FOXP2: variants seen among roughly 807,000 people sequenced by gnomAD.
FOXP2 encodes forkhead box P2.
Under a neutral mutation model 115.8 loss-of-function variants are expected in FOXP2, and 12 were observed. That is an observed-to-expected ratio of 0.10 (90% CI 0.07 to 0.17). The LOEUF is 0.17. FOXP2 is among the 10% of genes least tolerant of loss of function. FOXP2 has a pLI of 1.00. For missense variants in FOXP2, 629 were observed against 843.5 expected (o/e 0.75, Z 3.15); for synonymous variants, 328 against 297.7 (o/e 1.10, Z -1.05).
intron 1 of FOXP2, among the ~76,000 whole-genome samples, chr7:114,142,927 C>T (rs1280703451): frequency 2.0e-5 from 3 of 151,804 alleles, no homozygotes; most frequent in South Asian, 4.2e-4. Flanking sequence ...GTGAGAAGAT[C>T]GATTGAGTCC....
chr7:114,363,686 A>G (rs1265899401), intron 2 of FOXP2, among the ~76,000 whole-genome samples: 2 of 152,152 alleles, frequency 1.3e-5, no homozygotes, highest in African/African-American at 2.4e-5. Flanking sequence ...TTCATGTTGC[A>G]TATTTTTAAA....
At chr7:114,331,696 C>T (rs2129183018) in intron 2 of FOXP2, among the ~76,000 whole-genome samples, 1 of 150,784 alleles carries the variant, frequency 6.6e-6, no homozygotes, top group African/African-American at 2.4e-5. Context: ...GAGACAGAGT[C>T]TCACTCTGTC....
chr7:114,131,351 G>T (rs1011954258), intron 1 of FOXP2, among the ~76,000 whole-genome samples: 1 of 152,046 alleles, frequency 6.6e-6, no homozygotes, highest in African/African-American at 2.4e-5. Flanking sequence ...CTTGATTTTT[G>T]TTGACCATCT....
At chr7:114,562,381 C>A (rs1297222171) in intron 3 of FOXP2, among the ~76,000 whole-genome samples, 1 of 152,116 alleles carries the variant, frequency 6.6e-6, no homozygotes, top group African/African-American at 2.4e-5. Flanking sequence ...CTTCACTGTA[C>A]CCTTAAAGCA....
At chr7:114,127,869 A>G (rs1351535483) in intron 1 of FOXP2, among the ~76,000 whole-genome samples, 1 of 152,188 alleles carries the variant, frequency 6.6e-6, no homozygotes, top group Non-Finnish European at 1.5e-5. Context: ...AATGTATTAC[A>G]CTAGCTATAC....
At chr7:114,488,649 G>T (rs1796901450) in intron 2 of FOXP2, among the ~76,000 whole-genome samples, 1 of 151,990 alleles carries the variant, frequency 6.6e-6, no homozygotes, top group African/African-American at 2.4e-5. Flanking sequence ...AGTTAAAAAT[G>T]AACAAAAAAC....
At chr7:114,287,973 A>G in intron 1 of FOXP2, 1 of 408,214 alleles carries the variant, frequency 2.4e-6, no homozygotes, top group Non-Finnish European at 4.9e-6. Flanking sequence ...ATGTAAATTT[A>G]AATTTAATTT....
In FOXP2 at chr7:114,664,327, A is replaced by T. The variant is rs1406288053; in HGVS notation, c.1894A>T (p.Asn632Tyr). ...PLLSNPGLIN[N>Y]ASSGLLQAVH... ...GCTAAGTAATCCTGGACTGATAAAT[A>T]ATGCATCCAGTGGCCTACTGCAGGC... is the stretch of plus-strand genomic sequence containing the variant. The change falls in exon 16 of 17, where the codon AAT (asparagine) becomes TAT (tyrosine). Residue 632 changes from asparagine to tyrosine, a missense_variant. Asn to Tyr is a moderately radical substitution (Grantham distance 143). Around this residue, in one of 9 missense-constraint regions of FOXP2, gnomAD observed 117 missense variants for 112.3 expected, o/e 1.04. Coordinates refer to ENST00000350908, the MANE Select transcript of FOXP2 (RefSeq NM_014491.4). The T allele has an allele frequency of 6.2e-7, 1 of 1,613,480 alleles. No individual in the cohort carries two copies. Among genetic ancestry groups the T allele is most frequent in the Non-Finnish European group, 8.5e-7 (1 of 1,179,702 alleles).
intron 1 of FOXP2, among the ~76,000 whole-genome samples, chr7:114,232,612 G>A (rs1002187995): frequency 6.6e-6 from 1 of 151,972 alleles, no homozygotes; most frequent in Non-Finnish European, 1.5e-5. Context: ...TCAGGAGTTC[G>A]AGACCAGCCT....
At chr7:114,564,610 T>C (rs1274405748) in intron 3 of FOXP2, among the ~76,000 whole-genome samples, 1 of 152,056 alleles carries the variant, frequency 6.6e-6, no homozygotes, top group Non-Finnish European at 1.5e-5. Context: ...CCAGGTGTAG[T>C]GGCTCATACC....
In FOXP2 at chr7:114,608,529, A is replaced by G. The variant is rs539468565; in HGVS notation, c.259-20011A>G. On this transcript the variant is annotated intron_variant, in intron 3 of 16. Coordinates refer to ENST00000350908, the MANE Select transcript of FOXP2 (RefSeq NM_014491.4). ...AGTCACATCTCATCACCTGAGCTATATAACAAAACCTAATTAAGGAAGTAA... is the reference window on the plus strand; with the variant it reads ...AGTCACATCTCATCACCTGAGCTATGTAACAAAACCTAATTAAGGAAGTAA... 2.0e-5 allele frequency among the ~76,000 whole-genome samples: 3 copies of G among 152,306 alleles called. No homozygotes were observed. In the East Asian group the frequency reaches 5.8e-4, roughly 29 times the overall value.
At chr7:114,414,791 A>G (rs866695947), upstream of FOXP2, 6 of 298,658 alleles carry the variant, frequency 2.0e-5, no homozygotes, top group African/African-American at 4.4e-5. Context: ...TGTCCTAATA[A>G]GGGAAGCAAG....
At chr7:114,503,078 G>A (rs1326851946) in intron 2 of FOXP2, among the ~76,000 whole-genome samples, 2 of 152,052 alleles carry the variant, frequency 1.3e-5, no homozygotes, top group Admixed American at 6.6e-5. Flanking sequence ...TGGCACAGCC[G>A]AAAGTAGCAC....
intron 1 of FOXP2, among the ~76,000 whole-genome samples, chr7:114,187,910 G>A (rs1026743545): frequency 3.3e-5 from 5 of 152,028 alleles, no homozygotes; most frequent in African/African-American, 7.2e-5. Context: ...CGAAAGAGGG[G>A]GCTAAACTCA....
intron 2 of FOXP2, among the ~76,000 whole-genome samples, chr7:114,474,296 C>T (rs1360577550): frequency 3.3e-5 from 5 of 152,070 alleles, no homozygotes; most frequent in African/African-American, 7.2e-5. Flanking sequence ...ATACTCAAAT[C>T]GGCACTATTT....
chr7:114,212,120 A>AT (rs1794370896), intron 1 of FOXP2, among the ~76,000 whole-genome samples: 2 of 46,076 alleles, frequency 4.3e-5, no homozygotes, highest in South Asian at 1.9e-3. Context: ...AAAATAAAAT[A>AT]AAATATATAT....
intron 2 of FOXP2, 91 bp from the exon 3 acceptor site, chr7:114,534,526 G>A: frequency 1.9e-6 from 2 of 1,028,552 alleles, no homozygotes; most frequent in Non-Finnish European, 3.1e-6. Context: ...GGGAGTTCTT[G>A]TACATTGAAG....
chr7:114,470,802 C>T (rs1409614092), intron 2 of FOXP2, among the ~76,000 whole-genome samples: 1 of 152,014 alleles, frequency 6.6e-6, no homozygotes, highest in African/African-American at 2.4e-5. Context: ...ACCTACCATC[C>T]TCCTTCTCCA....
intron 3 of FOXP2, among the ~76,000 whole-genome samples, chr7:114,555,719 C>CCCTGGAGTGACTCTCCACTCT (rs2129289050): frequency 6.6e-6 from 1 of 152,244 alleles, no homozygotes; most frequent in South Asian, 2.1e-4. Context: ...GTCACTTGAA[C>CCCTGGAGTGACTCTCCACTCT]CCAGGAGGTG....
Sources: gnomAD v4.1 joint callset for allele counts (sites outside exome capture counted in the v4.1 genomes callset) on GRCh38, gnomAD v4.1.1 for gene constraint, gnomAD v4.1.1 regional missense constraint, MANE v1.5 for transcripts, NCBI Gene and HGNC (gene_info 2026-07-23, HGNC 2026-07-21) for gene names.